DAB2IP: variants seen among roughly 807,000 people sequenced by gnomAD.
The protein encoded by DAB2IP is DAB2 interacting protein.
DAB2IP carries 28 observed loss-of-function variants against 107.2 expected under a neutral mutation model. The ratio of observed to expected loss-of-function variants is 0.26; its 90% CI spans 0.19 to 0.36. The LOEUF (loss-of-function observed/expected upper bound fraction) is 0.36, where lower values mean the gene tolerates loss of function less well. DAB2IP is among the 10% of genes least tolerant of loss of function. The pLI is 1.00. For synonymous variants in DAB2IP, 755 were observed against 706.4 expected (o/e 1.07, Z -1.09); for missense variants, 1,400 against 1,644.7 (o/e 0.85, Z 2.57).
chr9:121,567,376 G>T (rs1043564075), intron 1 of DAB2IP: 2 of 1,210,764 alleles, frequency 1.7e-6, no homozygotes, highest in African/African-American at 3.0e-5. Context: ...GTGGGCATGG[G>T]TGCGTTGGGC....
At position 121,760,025 on chromosome 9, in the gene DAB2IP, C is replaced by A. The variant is rs1564207786; in HGVS notation, c.756C>A (p.Asp252Glu). ...GCACCACGGGCAAGCTCAAGACGGA[C>A]AATGTTTTCTGGGGCGAGCACTTCG... Residue 252 changes from aspartate (D) to glutamate (E), a missense_variant, in exon 6 of 16, where the codon GAC (aspartate) becomes GAA (glutamate). Physicochemically the swap from Asp to Glu is conservative, Grantham distance 45 (BLOSUM62 2). Coordinates refer to ENST00000408936, the Ensembl canonical transcript of DAB2IP. The surrounding 1 kb of genome is among the most constrained non-coding windows in gnomAD (Gnocchi z 5.9). 3.1e-6 allele frequency: 5 copies of A among 1,614,150 alleles called. No homozygotes were observed. In the South Asian group the frequency reaches 4.4e-5, roughly 14 times the overall value.
At chr9:121,732,983 C>T (rs1275600134) in intron 3 of DAB2IP, among the ~76,000 whole-genome samples, 1 of 152,226 alleles carries the variant, frequency 6.6e-6, no homozygotes, top group Non-Finnish European at 1.5e-5. Flanking sequence ...AAATTAACAG[C>T]TGGTGCACTG....
intron 1 of DAB2IP, among the ~76,000 whole-genome samples, chr9:121,622,283 C>T (rs929052813): frequency 5.9e-5 from 9 of 152,212 alleles, no homozygotes; most frequent in Non-Finnish European, 1.2e-4. Context: ...CCACCGCACC[C>T]GGCCCCGTTT....
chr9:121,639,913 A>G (rs942569407), intron 1 of DAB2IP, among the ~76,000 whole-genome samples: 2 of 152,292 alleles, frequency 1.3e-5, no homozygotes, highest in African/African-American at 4.8e-5. Context: ...TGTTCCCCAG[A>G]CTGGCTAACT....
At chr9:121,715,950 T>G (rs1830581352) in intron 3 of DAB2IP, among the ~76,000 whole-genome samples, 1 of 152,146 alleles carries the variant, frequency 6.6e-6, no homozygotes. Context: ...GTGGGCATTA[T>G]GAAGGAGCAC....
intron 1 of DAB2IP, among the ~76,000 whole-genome samples, chr9:121,643,507 C>T (rs1488360318): frequency 2.0e-5 from 3 of 152,028 alleles, no homozygotes; most frequent in African/African-American, 7.2e-5. Context: ...CCCCAGTCCT[C>T]ACTGTATCCT....
chr9:121,668,404 A>C (rs1342909105), intron 1 of DAB2IP, among the ~76,000 whole-genome samples: 1 of 151,910 alleles, frequency 6.6e-6, no homozygotes, highest in Non-Finnish European at 1.5e-5. Flanking sequence ...CACCTGGCTA[A>C]ATTTTTAACT....
intron 1 of DAB2IP, among the ~76,000 whole-genome samples, chr9:121,616,228 A>C (rs1831271314): frequency 6.6e-6 from 1 of 152,322 alleles, no homozygotes; most frequent in Admixed American, 6.5e-5. Flanking sequence ...TGCAGGGAAG[A>C]GAAGAGCCTT....
At chr9:121,783,554 G>A in exon 16 of DAB2IP, 1 of 1,614,090 alleles carries the variant, frequency 6.2e-7, no homozygotes, top group Non-Finnish European at 8.5e-7. Flanking sequence ...AGAAACAAAA[G>A]CCCGCTTGCT....
At chr9:121,766,405 C>T in intron 8 of DAB2IP, 89 bp from the exon 9 acceptor site, 1 of 1,280,592 alleles carries the variant, frequency 7.8e-7, no homozygotes, top group South Asian at 1.3e-5. Flanking sequence ...GGGGTAGAGC[C>T]AAGGTTGGAA....
At chr9:121,753,242 C>T (rs1833251459) in intron 3 of DAB2IP, 1 of 152,216 alleles carries the variant, frequency 6.6e-6, no homozygotes, top group East Asian at 1.9e-4. Flanking sequence ...AGACCTGGGC[C>T]GTGGAAGTGA....
At chr9:121,678,697 G>A (rs762353606) in exon 2 of DAB2IP, 5 of 1,578,466 alleles carry the variant, frequency 3.2e-6, no homozygotes, top group East Asian at 2.4e-5. Flanking sequence ...AAGAAAGGCC[G>A]GGCTCTCGGC....
At chr9:121,745,499 G>A (rs1589627638) in intron 3 of DAB2IP, among the ~76,000 whole-genome samples, 1 of 152,160 alleles carries the variant, frequency 6.6e-6, no homozygotes, top group Admixed American at 6.5e-5. Flanking sequence ...GCCCCACGCA[G>A]ACTTCCAGAC....
chr9:121,567,328 T>G, intron 1 of DAB2IP: 1 of 1,560,238 alleles, frequency 6.4e-7, no homozygotes, highest in Middle Eastern at 1.8e-4. Flanking sequence ...AGGGAGGCAG[T>G]CAGGCATCTG....
intron 2 of DAB2IP, among the ~76,000 whole-genome samples, chr9:121,693,150 C>CTG (rs886976876): frequency 6.6e-6 from 1 of 152,230 alleles, no homozygotes; most frequent in Non-Finnish European, 1.5e-5. Flanking sequence ...GCAAAGAGCA[C>CTG]TGGGCAAGGA....
At position 121,768,289 on chromosome 9, in the gene DAB2IP, G is replaced by A. The variant is rs28501196; in HGVS notation, c.1698-143G>A. ...AGGAGGGCCCTGGTGACCTGGGTCAGAGCATATTCAGCTGACTTGGGGAGT... is the reference window on the plus strand; with the variant it reads ...AGGAGGGCCCTGGTGACCTGGGTCAAAGCATATTCAGCTGACTTGGGGAGT... On this transcript the variant is annotated intron_variant, in intron 9 of 15. Coordinates refer to ENST00000408936, the Ensembl canonical transcript of DAB2IP. 37 of 859,140 alleles carry A rather than the reference G, an allele frequency of 4.3e-5. No homozygotes were observed. In the African/African-American group the frequency reaches 5.0e-4, roughly 12 times the overall value. The allele number at this position is 859,140 out of a possible 1,614,324, so 53.2% of individuals were successfully genotyped here.
upstream of DAB2IP, among the ~76,000 whole-genome samples, chr9:121,650,331 A>G (rs1297750315): frequency 1.3e-5 from 2 of 152,164 alleles, no homozygotes; most frequent in Admixed American, 6.5e-5. Context: ...GCTGTGAGAC[A>G]GGCTCCGCAG....
chr9:121,672,028 C>T (rs1278884054), intron 1 of DAB2IP, among the ~76,000 whole-genome samples: 1 of 152,234 alleles, frequency 6.6e-6, no homozygotes, highest in Admixed American at 6.5e-5. Flanking sequence ...CCTTTTCACT[C>T]CATCAGCAGT....
rs1564143999 is a variant in DAB2IP, at chr9:121,666,917, A to ACACACAC, written c.125-11758_125-11757insACACCAC. Among the ~76,000 whole-genome samples the ACACACAC allele has an allele frequency of 2.5e-3, 264 of 104,746 alleles. 5 individuals are homozygous for ACACACAC. Among genetic ancestry groups the ACACACAC allele is most frequent in the African/African-American group, 6.3e-3 (189 of 29,986 alleles). 68.7% of individuals were successfully genotyped at this position (104,746 alleles called of 152,430 possible). On this transcript the variant is annotated intron_variant, in intron 1 of 15. Transcript: ENST00000408936. ...ACACACACACACACACACACACACAACACTCTTAAATAGACGTACACAGAG... is the reference window on the plus strand; with the variant it reads ...ACACACACACACACACACACACACAACACACACCACTCTTAAATAGACGTACACAGAG...
Sources: allele counts gnomAD v4.1 joint callset (sites outside exome capture counted in the v4.1 genomes callset), GRCh38; gene constraint gnomAD v4.1.1; non-coding constraint Gnocchi (gnomAD v3.1); transcripts MANE v1.5; gene names NCBI Gene and HGNC (gene_info 2026-07-23, HGNC 2026-07-21).